Variants in FGA observed in about 807,000 individuals in gnomAD.
The protein encoded by FGA is fibrinogen, A alpha polypeptide.
FGA carries 20 observed loss-of-function variants against 20.3 expected under a neutral mutation model. The ratio of observed to expected loss-of-function variants is 0.99; its 90% CI spans 0.69 to 1.43. The LOEUF (loss-of-function observed/expected upper bound fraction) is 1.43. Among genes scored for constraint, FGA ranks in the 40% most tolerant of loss-of-function variants. The pLI is 0.00. For missense variants in FGA, 777 were observed against 784.7 expected (o/e 0.99, Z 0.12); for synonymous variants, 306 against 281.6 (o/e 1.09, Z -0.87).
rs548931441 is a variant in FGA, at chr4:154,589,296, G to T, written c.180+141C>A. 264 of 982,190 alleles carry T rather than the reference G, an allele frequency of 2.7e-4. No homozygotes were observed. The Middle Eastern group carries it at 2.9e-3, about 11-fold the overall frequency. 60.8% of individuals were successfully genotyped at this position (982,190 alleles called of 1,614,324 possible). A position where few individuals can be genotyped will look rare whatever the true frequency, so the allele number is the denominator to read the frequency against. Reference sequence around the variant, plus strand: ...AAATAAACAGTGCTCTTGGGAGTAGGTTCCTTTTCTTTATTTGCTATGTAG... The same window carrying T: ...AAATAAACAGTGCTCTTGGGAGTAGTTTCCTTTTCTTTATTTGCTATGTAG... On this transcript the variant is annotated intron_variant, in intron 2 of 4. Coordinates refer to ENST00000403106, the MANE Select transcript of FGA (RefSeq NM_021871.4).
chr4:154,584,843 A>T (rs1383918942), downstream of FGA: 1 of 1,598,926 alleles, frequency 6.3e-7, no homozygotes, highest in Admixed American at 1.7e-5. Context: ...TCTAAAAAAA[A>T]AATTAAGCTG....
chr4:154,585,132 C>T (rs150968579), downstream of FGA: 321 of 818,690 alleles, frequency 3.9e-4, 4 homozygotes, highest in East Asian at 0.011. Flanking sequence ...AATACTAACA[C>T]AACTTGTATT....
At chr4:154,584,674 T>C (rs185920746), downstream of FGA, 8 of 1,614,132 alleles carry the variant, frequency 5.0e-6, no homozygotes, top group Non-Finnish European at 6.8e-6. Flanking sequence ...CCGGTTAAAA[T>C]TCAGTGATCC....
chr4:154,586,983 G>A, intron 4 of FGA, 65 bp from the exon 5 acceptor site: 1 of 1,489,894 alleles, frequency 6.7e-7, no homozygotes, highest in Non-Finnish European at 9.2e-7. Flanking sequence ...CGTCTATTGA[G>A]TTCCTGGTAG....
At chr4:154,587,063 T>C in intron 4 of FGA, 145 bp from the exon 5 acceptor site, 1 of 814,588 alleles carries the variant, frequency 1.2e-6, no homozygotes, top group Non-Finnish European at 2.0e-6. Flanking sequence ...ATTCTCTGTT[T>C]TCTGCCTATC....
intron 3 of FGA, 89 bp downstream of exon 3, chr4:154,588,704 A>G: frequency 1.0e-6 from 1 of 976,322 alleles, no homozygotes; most frequent in South Asian, 1.3e-5. Flanking sequence ...TTGGGATGAA[A>G]TTGTCATAGA....
intron 1 of FGA, among the ~76,000 whole-genome samples, chr4:154,590,128 T>C (rs1730833358): frequency 6.6e-6 from 1 of 152,240 alleles, no homozygotes; most frequent in African/African-American, 2.4e-5. Flanking sequence ...ACTGCAAAGA[T>C]ATTTCCAAAG....
At chr4:154,589,195 C>G (rs1730811265) in intron 2 of FGA, among the ~76,000 whole-genome samples, 1 of 152,188 alleles carries the variant, frequency 6.6e-6, no homozygotes, top group Non-Finnish European at 1.5e-5. Context: ...CCACAATACT[C>G]AGGAGCCTGG....
rs767596060 is a variant in FGA at position 154,586,281 on chromosome 4, G to A, written c.1148C>T (p.Thr383Ile). The change falls in exon 5 of 5, where the codon ACT becomes ATT. Residue 383 changes from threonine (T) to isoleucine (I), a missense_variant. Physicochemically the swap from Thr to Ile is moderately conservative, Grantham distance 89 (BLOSUM62 -1). Transcript: ENST00000403106. ...TCCAGATTCAGAGTGCCATTGTCCA[G>A]TACTACCAGATACAGAGCTCTCAGA... Reference protein sequence around the residue: ...WTSESSVSGSTGQWHSESGSF... With the variant: ...WTSESSVSGSIGQWHSESGSF... 1.2e-6 allele frequency: 2 copies of A among 1,614,192 alleles called. No individual in the cohort carries two copies. The highest frequency in any genetic ancestry group is 1.7e-6 in the Non-Finnish European group (2 of 1,180,024).
intron 3 of FGA, 123 bp from the exon 4 acceptor site, chr4:154,587,780 AAAGAAAGAAAGAAAG>A: frequency 1.4e-6 from 1 of 715,242 alleles, no homozygotes; most frequent in Non-Finnish European, 2.3e-6. Context: ...AGAAAGAAAG[AAAGAAAGAAAGAAAG>A]AAAGAAAGAG....
downstream of FGA, chr4:154,585,132 C>A (rs150968579): frequency 8.3e-5 from 68 of 818,574 alleles, no homozygotes; most frequent in African/African-American, 1.1e-3. Flanking sequence ...AATACTAACA[C>A]AACTTGTATT....
chr4:154,583,764 C>A, downstream of FGA: 1 of 215,750 alleles, frequency 4.6e-6, no homozygotes, highest in South Asian at 8.6e-5. Context: ...CAACTTTTTG[C>A]TTTCCAATGG....
At chr4:154,584,279 T>C, downstream of FGA, 6 of 1,614,138 alleles carry the variant, frequency 3.7e-6, no homozygotes, top group Non-Finnish European at 4.2e-6. Flanking sequence ...CCATTGAGAT[T>C]GGCTGCTTGG....
At position 154,585,976 on chromosome 4, in the gene FGA, AG is replaced by A; in HGVS notation, c.1452del (p.Ser485ProfsTer13). On this transcript the variant is annotated frameshift_variant, in exon 5 of 5. Transcript: ENST00000403106. LOFTEE classifies it low-confidence loss of function (END_TRUNC). ...GHKEVTKEVV[T>X]SEDGSDCPEA... ...TCGGGACAGTCAGAACCATCTTCGG[AG>A]GTCACCACTTCTTTGGTAACTTCTT... is the stretch of plus-strand genomic sequence containing the variant. The A allele has an allele frequency of 1.2e-6, 2 of 1,614,160 alleles. No individual in the cohort carries two copies. Among genetic ancestry groups the A allele is most frequent in the Non-Finnish European group, 1.7e-6 (2 of 1,180,014 alleles).
At chr4:154,588,999 A>G in intron 2 of FGA, 23 bp from the exon 3 acceptor site, 2 of 1,583,234 alleles carry the variant, frequency 1.3e-6, no homozygotes, top group Non-Finnish European at 1.7e-6. Context: ...GGAGAAAATT[A>G]CAGTAAGGAT....
intron 3 of FGA, among the ~76,000 whole-genome samples, chr4:154,588,385 C>T (rs565091303): frequency 1.8e-4 from 28 of 152,256 alleles, no homozygotes; most frequent in African/African-American, 6.5e-4. Context: ...ACCTAATCAG[C>T]TCAGTGGAGT....
In FGA at chr4:154,587,517, G is replaced by A; in HGVS notation, c.505C>T (p.Leu169=). The change falls in exon 4 of 5, where the codon CTG becomes TTG. Residue 169 remains leucine, a synonymous_variant. Coordinates refer to ENST00000403106, the MANE Select transcript of FGA (RefSeq NM_021871.4). ...VRAQLVDMKR[L]EVDIDIKIRS... ...GACCACAGCCACATACTTACCTCCA[G>A]TCGTTTCATATCAACCAACTGAGCT... 2 of 1,613,858 alleles carry A rather than the reference G, an allele frequency of 1.2e-6. No individual in the cohort carries two copies. Among genetic ancestry groups the A allele is most frequent in the Middle Eastern group, 1.6e-4 (1 of 6,062 alleles).
At chr4:154,584,726 T>G, downstream of FGA, 1 of 1,614,046 alleles carries the variant, frequency 6.2e-7, no homozygotes, top group Non-Finnish European at 8.5e-7. Flanking sequence ...CCCAAACTGG[T>G]CTCTTGATCG....
At chr4:154,590,584 G>A (rs1365432182) in intron 1 of FGA, 50 bp downstream of exon 1, 2 of 1,440,968 alleles carry the variant, frequency 1.4e-6, no homozygotes, top group South Asian at 2.4e-5. Context: ...GGCTCTTTGT[G>A]GAATAAACAC....
Sources: allele counts gnomAD v4.1 joint callset (sites outside exome capture counted in the v4.1 genomes callset), GRCh38; gene constraint gnomAD v4.1.1; transcripts MANE v1.5; gene names NCBI Gene and HGNC (gene_info 2026-07-23, HGNC 2026-07-21).